ARAP2: variants seen among roughly 807,000 people sequenced by gnomAD.
The protein encoded by ARAP2 is arf-GAP with Rho-GAP domain, ANK repeat and PH domain-containing protein 2.
In ARAP2, 148 loss-of-function variants were observed where a neutral mutation model predicts 194.5. The ratio of observed to expected loss-of-function variants is 0.76; its 90% CI spans 0.67 to 0.87. The LOEUF is 0.87. Ranked by LOEUF, ARAP2 falls within the 40% of genes least tolerant of loss-of-function variation. The probability of loss-of-function intolerance (pLI) is 0.00; values close to 1 mark genes in which losing one functional copy is unlikely to be tolerated. For missense variants in ARAP2, 2,128 were observed against 1,989.7 expected (o/e 1.07, Z -1.32); for synonymous variants, 695 against 683.5 (o/e 1.02, Z -0.26).
In ARAP2 at chr4:36,031,968, C is replaced by A. The variant is rs115561531; in HGVS notation, n.608-12682G>T. Among the ~76,000 whole-genome samples the A allele has an allele frequency of 9.9e-3, 1,513 of 152,164 alleles. 11 individuals carry two copies. Among genetic ancestry groups the A allele is most frequent in the Middle Eastern group, 0.017 (5 of 294 alleles). ...ACAGACATGAGCCACCATGCCAGGCCAAGTTTCTCAACTGCTAATTCATAT... is the reference window on the plus strand; with the variant it reads ...ACAGACATGAGCCACCATGCCAGGCAAAGTTTCTCAACTGCTAATTCATAT... On this transcript the variant is annotated intron_variant and non_coding_transcript_variant, in intron 5 of 12. Transcript: ENST00000503225.
In ARAP2 at chr4:36,114,272, C is replaced by T. The variant is rs1363987932; in HGVS notation, c.4054G>A (p.Glu1352Lys). Residue 1352 changes from glutamate to lysine, a missense_variant, in exon 26 of 33, where the codon GAA (glutamate) becomes AAA (lysine). Physicochemically the swap from Glu to Lys is moderately conservative, Grantham distance 56. Coordinates refer to ENST00000303965, the MANE Select transcript of ARAP2 (RefSeq NM_015230.4). The part of the protein sequence containing the change: ...SIIIRISPVM[E>K]AEELTNDILA... ...ATATCATTAGTTAATTCTTCTGCTT[C>T]CATCACAGGAGATATCTGTAAGAGA... 1 of 1,575,836 alleles carries T rather than the reference C, an allele frequency of 6.3e-7. No individual in the cohort carries two copies. The highest frequency in any genetic ancestry group is 8.7e-7 in the Non-Finnish European group (1 of 1,150,648).
intron 3 of ARAP2, among the ~76,000 whole-genome samples, chr4:36,050,245 T>C (rs1722446495): frequency 6.6e-6 from 1 of 152,202 alleles, no homozygotes; most frequent in African/African-American, 2.4e-5. Flanking sequence ...GCAGAGAGCA[T>C]CTGCAGCCAA....
At position 36,136,450 on chromosome 4, in the gene ARAP2, C is replaced by T. The variant is rs115638265; in HGVS notation, c.3264-3061G>A. 3.5e-3 allele frequency among the ~76,000 whole-genome samples: 524 copies of T among 151,778 alleles called. 4 individuals carry two copies. Among genetic ancestry groups the T allele is most frequent in the Non-Finnish European group, 5.5e-3 (375 of 67,822 alleles). The stretch of plus-strand genomic sequence containing the variant: ...AACCAAGTCCTAGGACTAACAAAAA[C>T]AATTATATTAAAACTGCAATATAAT... On this transcript the variant is annotated intron_variant, in intron 19 of 32. Transcript: ENST00000303965.
At chr4:36,114,965 A>G (rs536786682) in intron 25 of ARAP2, among the ~76,000 whole-genome samples, 2 of 152,172 alleles carry the variant, frequency 1.3e-5, no homozygotes, top group Admixed American at 1.3e-4. Context: ...TCTTAAGTGC[A>G]TGCTGGCCAA....
intron 1 of ARAP2, among the ~76,000 whole-genome samples, chr4:36,060,195 G>A (rs1294961665): frequency 6.6e-6 from 1 of 152,128 alleles, no homozygotes; most frequent in Non-Finnish European, 1.5e-5. Context: ...TTACTCAGTC[G>A]TTTAACTGAG....
chr4:36,100,174 G>A (rs531447583), intron 27 of ARAP2, among the ~76,000 whole-genome samples: 6 of 152,122 alleles, frequency 3.9e-5, no homozygotes, highest in East Asian at 1.9e-4. Flanking sequence ...GTAAGTAGCA[G>A]TAACCCTAAG....
intron 32 of ARAP2, among the ~76,000 whole-genome samples, chr4:36,068,717 C>T (rs188537421): frequency 6.6e-5 from 10 of 152,232 alleles, no homozygotes; most frequent in African/African-American, 1.2e-4. Context: ...GATTCTGCCC[C>T]GCTGTAGGCT....
chr4:36,208,189 A>G (rs540021003), intron 6 of ARAP2, among the ~76,000 whole-genome samples: 2 of 152,204 alleles, frequency 1.3e-5, no homozygotes, highest in East Asian at 3.8e-4. Flanking sequence ...GCTTAAATGC[A>G]AAGGAGACAT....
chr4:36,137,309 C>T (rs188725467), intron 19 of ARAP2, among the ~76,000 whole-genome samples: 19 of 151,866 alleles, frequency 1.3e-4, no homozygotes, highest in Admixed American at 1.2e-3. Context: ...AAGTTGAAAT[C>T]CCAAAAACTA....
At chr4:36,240,229 T>C (rs751969490) in intron 1 of ARAP2, among the ~76,000 whole-genome samples, 4 of 152,242 alleles carry the variant, frequency 2.6e-5, no homozygotes, top group Non-Finnish European at 5.9e-5. Context: ...ACCCATTGTA[T>C]ACAATATTGC....
At chr4:36,077,942 G>A (rs1728626621) in intron 31 of ARAP2, among the ~76,000 whole-genome samples, 1 of 152,046 alleles carries the variant, frequency 6.6e-6, no homozygotes, top group Non-Finnish European at 1.5e-5. Flanking sequence ...ACTGGTCTCA[G>A]GTCACCTGTC....
intron 1 of ARAP2, among the ~76,000 whole-genome samples, chr4:36,060,159 T>C (rs757213688): frequency 2.0e-5 from 3 of 152,138 alleles, no homozygotes; most frequent in Admixed American, 6.6e-5. Flanking sequence ...AGTTTGTGTG[T>C]CTCTGTAGTC....
chr4:36,051,098 G>C (rs140978813), intron 3 of ARAP2, among the ~76,000 whole-genome samples: 3 of 152,188 alleles, frequency 2.0e-5, no homozygotes, highest in African/African-American at 7.2e-5. Context: ...AATTCCTTTA[G>C]GGTTAATTTC....
chr4:36,178,714 G>C (rs1738539234), intron 8 of ARAP2, among the ~76,000 whole-genome samples: 1 of 152,150 alleles, frequency 6.6e-6, no homozygotes, highest in Non-Finnish European at 1.5e-5. Context: ...ATGGAACACA[G>C]TAGTATAAAC....
chr4:36,213,160 G>A, intron 4 of ARAP2, 83 bp downstream of exon 4: 2 of 1,059,072 alleles, frequency 1.9e-6, no homozygotes, highest in Non-Finnish European at 2.8e-6. Context: ...TCTTCAAATA[G>A]CTTGGAGAAA....
At chr4:36,166,249 GTTGA>G (rs879582685) in intron 10 of ARAP2, among the ~76,000 whole-genome samples, 6 of 152,180 alleles carry the variant, frequency 3.9e-5, no homozygotes, top group East Asian at 3.9e-4. Context: ...ACCACGTGAT[GTTGA>G]TTATTTATAA....
At chr4:36,178,131 T>C (rs1225142928) in intron 8 of ARAP2, 126 bp from the exon 9 acceptor site, 2 of 774,674 alleles carry the variant, frequency 2.6e-6, no homozygotes, top group Non-Finnish European at 3.9e-6. Flanking sequence ...AACCACAATC[T>C]AAATGCTACT....
chr4:36,192,168 GTTTTTTT>G (rs569144058), intron 7 of ARAP2, among the ~76,000 whole-genome samples: 58 of 100,696 alleles, frequency 5.8e-4, no homozygotes, highest in Admixed American at 5.7e-3. Flanking sequence ...CAGTGTTTCT[GTTTTTTT>G]TTTTTTTTTT....
chr4:36,020,181 CG>C (rs1560275633), intron 5 of ARAP2, among the ~76,000 whole-genome samples: 1 of 152,142 alleles, frequency 6.6e-6, no homozygotes, highest in East Asian at 1.9e-4. Context: ...GAGGCCAAGG[CG>C]GGCAGATCAG....
Sources: gnomAD v4.1 joint callset for allele counts (sites outside exome capture counted in the v4.1 genomes callset) on GRCh38, gnomAD v4.1.1 for gene constraint, MANE v1.5 for transcripts, NCBI Gene and HGNC (gene_info 2026-07-23, HGNC 2026-07-21) for gene names.